ZC4H2: variants seen among roughly 807,000 people sequenced by gnomAD.
The protein encoded by ZC4H2 is zinc finger C4H2 domain-containing protein.
For missense variants in ZC4H2, 137 were observed against 173.9 expected (o/e 0.79, Z 1.19); for synonymous variants, 84 against 66.3 (o/e 1.27, Z -1.30).
chrX:64,974,082 G>T (rs931082836), intron 1 of ZC4H2, among the ~76,000 whole-genome samples: 9 of 111,408 alleles, frequency 8.1e-5, no homozygotes, highest in Non-Finnish European at 1.5e-4. Flanking sequence ...TTTCTCCTGG[G>T]AATTTGTTGG....
chrX:64,978,282 A>C (rs974979686), upstream of ZC4H2, among the ~76,000 whole-genome samples: 7 of 112,088 alleles, frequency 6.2e-5, no homozygotes, highest in Non-Finnish European at 1.1e-4. Context: ...AAGAAATTAA[A>C]GCCCTTCTCT....
At chrX:64,971,716 ATAT>A (rs915169281) in intron 1 of ZC4H2, among the ~76,000 whole-genome samples, 1 of 111,530 alleles carries the variant, frequency 9.0e-6, no homozygotes, top group Admixed American at 9.5e-5. Context: ...TTGGAGGATA[ATAT>A]TTGAAGCCAT....
intron 1 of ZC4H2, among the ~76,000 whole-genome samples, chrX:64,958,586 C>T (rs1931254359): frequency 9.0e-6 from 1 of 111,389 alleles, no homozygotes; most frequent in South Asian, 3.8e-4. Context: ...CCTCAATCTC[C>T]CCACCTCCAA....
At chrX:64,970,785 G>T (rs1383003199) in intron 1 of ZC4H2, among the ~76,000 whole-genome samples, 2 of 111,998 alleles carry the variant, frequency 1.8e-5, no homozygotes, top group Non-Finnish European at 3.8e-5. Context: ...CAAAGGTCTG[G>T]TGGAACGGAA....
intron 1 of ZC4H2, among the ~76,000 whole-genome samples, chrX:64,935,836 A>C (rs1421324207): frequency 9.0e-6 from 1 of 111,441 alleles, no homozygotes; most frequent in African/African-American, 3.3e-5. Context: ...AAATAAATCT[A>C]CAAAGATGAA....
chrX:65,002,960 C>G (rs1265548901), intron 1 of ZC4H2, among the ~76,000 whole-genome samples: 3 of 109,949 alleles, frequency 2.7e-5, no homozygotes, highest in African/African-American at 6.6e-5. Context: ...AACCAGAGAC[C>G]TTTGTTCACT....
chrX:64,958,420 C>G (rs1931247970), intron 1 of ZC4H2, among the ~76,000 whole-genome samples: 1 of 111,362 alleles, frequency 9.0e-6, no homozygotes, highest in African/African-American at 3.3e-5. Context: ...TATATATGTA[C>G]ATATATGTGT....
At position 64,916,142 on chromosome X, in the gene ZC4H2, T is replaced by A. The variant is rs1928909561; in HGVS notation, c.*1641A>T. 8.9e-6 allele frequency: 1 copy of A among 112,230 alleles called. No individual in the cohort carries two copies. The highest frequency in any genetic ancestry group is 9.5e-5 in the Admixed American group (1 of 10,573). 9.2% of individuals were successfully genotyped at this position (112,230 alleles called of 1,213,427 possible). A position where few individuals can be genotyped will look rare whatever the true frequency, so the allele number is the denominator to read the frequency against. ...TTAACTCTGAAAAAGCTTTTAAGTT[T>A]TTGGAGGTTCAGTATCCCTTTTTTT... is the stretch of plus-strand genomic sequence containing the variant. On this transcript the variant is annotated 3_prime_UTR_variant, in exon 5 of 5. Transcript: ENST00000374839.
chrX:64,949,823 AG>A (rs938275820), intron 1 of ZC4H2, among the ~76,000 whole-genome samples: 3 of 111,321 alleles, frequency 2.7e-5, no homozygotes, highest in African/African-American at 9.8e-5. Flanking sequence ...GATTTTTTGA[AG>A]GGTTTTTTGT....
chrX:64,971,915 G>T (rs1035288841), intron 1 of ZC4H2, among the ~76,000 whole-genome samples: 1 of 111,324 alleles, frequency 9.0e-6, no homozygotes, highest in Non-Finnish European at 1.9e-5. Flanking sequence ...GTGAGTGTAC[G>T]CAATACACAT....
intron 1 of ZC4H2, among the ~76,000 whole-genome samples, chrX:64,952,054 G>T (rs1930869930): frequency 9.0e-6 from 1 of 110,892 alleles, no homozygotes; most frequent in African/African-American, 3.3e-5. Flanking sequence ...TTATTAAATA[G>T]GGAATCCTTT....
intron 1 of ZC4H2, among the ~76,000 whole-genome samples, chrX:64,947,969 C>T (rs1005519699): frequency 3.6e-5 from 4 of 110,972 alleles, no homozygotes; most frequent in Admixed American, 1.9e-4. Flanking sequence ...AACTCCTTTA[C>T]ATTTAATTTG....
At chrX:65,003,125 CA>C (rs34863152) in intron 1 of ZC4H2, among the ~76,000 whole-genome samples, 13,812 of 87,455 alleles carry the variant, frequency 0.16, 2,509 homozygotes, top group African/African-American at 0.49. Flanking sequence ...GTCTGAAATT[CA>C]AAAAAAAAAA....
chrX:64,992,036 G>T (rs776675032), intron 1 of ZC4H2, among the ~76,000 whole-genome samples: 76 of 111,364 alleles, frequency 6.8e-4, no homozygotes, highest in African/African-American at 2.4e-3. Context: ...AATGGGGAGT[G>T]ACTTCTTAAT....
At chrX:64,960,973 T>C (rs1931365961) in intron 1 of ZC4H2, among the ~76,000 whole-genome samples, 1 of 111,623 alleles carries the variant, frequency 9.0e-6, no homozygotes. Flanking sequence ...CCATTTGGTC[T>C]GTAGTGTTTC....
chrX:64,946,703 T>C (rs918806273), intron 1 of ZC4H2, among the ~76,000 whole-genome samples: 1 of 111,351 alleles, frequency 9.0e-6, no homozygotes, highest in South Asian at 3.7e-4. Context: ...AATAGATAGA[T>C]AGATTCTTAA....
intron 1 of ZC4H2, among the ~76,000 whole-genome samples, chrX:64,922,885 T>C (rs958088168): frequency 8.9e-6 from 1 of 111,996 alleles, no homozygotes; most frequent in Non-Finnish European, 1.9e-5. Flanking sequence ...GGCTGTCATA[T>C]TAGACAGCAC....
chrX:64,950,984 G>C (rs1286808224), intron 1 of ZC4H2, among the ~76,000 whole-genome samples: 1 of 110,302 alleles, frequency 9.1e-6, no homozygotes, highest in East Asian at 2.9e-4. Flanking sequence ...AGTCCCCAGA[G>C]TGTGATGTTC....
rs1306049443 is a variant in ZC4H2 at position 65,011,450 on chromosome X, T to C, written c.-272+23179A>G. ...AGCGAGGCCCTGGGTGAGGGAGAGG[T>C]CTGGAACCCAATTTCAATATTTGTA... On this transcript the variant is annotated intron_variant, in intron 1 of 4. Coordinates refer to the ZC4H2 transcript ENST00000337990. Among the ~76,000 whole-genome samples the C allele has an allele frequency of 1.2e-4, 13 of 111,213 alleles. No individual in the cohort carries two copies. In the Admixed American group the frequency reaches 1.2e-3, roughly 11 times the overall value.
Sources: gnomAD v4.1 joint callset for allele counts (sites outside exome capture counted in the v4.1 genomes callset) on GRCh38, gnomAD v4.1.1 for gene constraint, MANE v1.5 for transcripts, NCBI Gene and HGNC (gene_info 2026-07-23, HGNC 2026-07-21) for gene names.